Variants in ANXA8 observed in about 807,000 individuals in gnomAD.
ANXA8 encodes VAC-beta.
A neutral mutation model predicts 26.8 loss-of-function variants in ANXA8; 9 were observed. The observed-to-expected ratio is 0.34, with a 90% CI of 0.20 to 0.59. The LOEUF is 0.59. ANXA8 is among the 20% of genes least tolerant of loss of function. The pLI, the probability that ANXA8 is intolerant of heterozygous loss-of-function variation, is 0.84. For synonymous variants in ANXA8, 39 were observed against 94.8 expected (o/e 0.41, Z 3.42); for missense variants, 83 against 238.5 (o/e 0.35, Z 4.29).
At chr10:47,694,487 C>T in the ANXA8 span, among the ~76,000 whole-genome samples, 5 of 138,440 alleles carry the variant, frequency 3.6e-5, no homozygotes, top group African/African-American at 1.1e-4. Context: ...GTGGCGTGAT[C>T]TCTGCTCACT....
chr10:47,675,431 G>T, the ANXA8 span, among the ~76,000 whole-genome samples: 2 of 151,784 alleles, frequency 1.3e-5, no homozygotes, highest in South Asian at 2.1e-4. Context: ...TGGTGGCTTG[G>T]CTATGAAACA....
chr10:47,733,191 T>TTCTTTCTCTCTCTCTCTCTCTC, the ANXA8 span, among the ~76,000 whole-genome samples: 4 of 106,476 alleles, frequency 3.8e-5, no homozygotes, highest in Non-Finnish European at 6.3e-5. Flanking sequence ...CTTTCTTTCT[T>TTCTTTCTCTCTCTCTCTCTCTC]TCTTTCTTTC....
the ANXA8 span, among the ~76,000 whole-genome samples, chr10:47,528,594 A>T: frequency 2.0e-5 from 3 of 151,788 alleles, no homozygotes; most frequent in African/African-American, 7.3e-5. Flanking sequence ...GATGGGTTTA[A>T]TTTTTCCCAC....
intron 3 of ANXA8, 117 bp from the exon 4 acceptor site, chr10:47,477,311 C>G: frequency 3.9e-6 from 6 of 1,535,354 alleles, no homozygotes; most frequent in Non-Finnish European, 5.4e-6. Flanking sequence ...GGCCTTGCCA[C>G]GTGCTGGCTG....
chr10:47,483,902 C>A lies in ANXA8; in HGVS notation c.21+11G>T, dbSNP rs1456877559. ...TGCAGGAACCCAAATCTCCTGCCAGCTCCCACTTACCCAGGATTTCCACCA... is the reference window on the plus strand; with the variant it reads ...TGCAGGAACCCAAATCTCCTGCCAGATCCCACTTACCCAGGATTTCCACCA... On this transcript the variant is annotated intron_variant, in intron 1 of 11. Coordinates refer to ENST00000585281, the MANE Select transcript of ANXA8 (RefSeq NM_001040084.3). The A allele has an allele frequency of 4.3e-6, 7 of 1,611,652 alleles. No homozygotes were observed. In the East Asian group the frequency reaches 6.7e-5, roughly 15 times the overall value.
the ANXA8 span, among the ~76,000 whole-genome samples, chr10:47,671,742 G>C: frequency 3.3e-5 from 5 of 151,874 alleles, 1 homozygote; most frequent in African/African-American, 1.2e-4. Flanking sequence ...ATTAAGATCT[G>C]ATTCCAAAGT....
the ANXA8 span, among the ~76,000 whole-genome samples, chr10:47,521,102 TTTTCA>T: frequency 8.3e-6 from 1 of 119,814 alleles, no homozygotes; most frequent in Non-Finnish European, 1.7e-5. Context: ...TATCTCTAAG[TTTTCA>T]TTTCTTCATT....
the ANXA8 span, among the ~76,000 whole-genome samples, chr10:47,643,426 G>T: frequency 6.9e-6 from 1 of 145,320 alleles, no homozygotes; most frequent in Non-Finnish European, 1.5e-5. Context: ...CTACTCGGGA[G>T]GCTGAGGCAG....
the ANXA8 span, among the ~76,000 whole-genome samples, chr10:47,548,183 A>G: frequency 6.9e-6 from 1 of 145,072 alleles, no homozygotes; most frequent in African/African-American, 2.5e-5. Flanking sequence ...TTTATATTTT[A>G]GGAGTCTTCC....
chr10:47,698,634 G>T, the ANXA8 span, among the ~76,000 whole-genome samples: 3 of 152,162 alleles, frequency 2.0e-5, no homozygotes, highest in African/African-American at 7.2e-5. Flanking sequence ...GGGCCCAGGA[G>T]CTCGACACCA....
At chr10:47,748,509 G>A in the ANXA8 span, among the ~76,000 whole-genome samples, 4 of 152,060 alleles carry the variant, frequency 2.6e-5, no homozygotes, top group African/African-American at 4.8e-5. Flanking sequence ...CACCGCACCC[G>A]ACCCAGGCAC....
the ANXA8 span, chr10:47,502,147 G>T: frequency 6.4e-7 from 1 of 1,569,676 alleles, no homozygotes. Flanking sequence ...CCTGCCGGGC[G>T]TAGGTCAGCG....
chr10:47,589,801 G>A, the ANXA8 span, among the ~76,000 whole-genome samples: 1 of 145,124 alleles, frequency 6.9e-6, no homozygotes, highest in South Asian at 2.1e-4. Flanking sequence ...TCAGATTGCA[G>A]GATCCTGAGG....
the ANXA8 span, among the ~76,000 whole-genome samples, chr10:47,596,179 T>C: frequency 4.3e-5 from 5 of 117,636 alleles, no homozygotes; most frequent in South Asian, 1.5e-3. Flanking sequence ...ATGACTTTTG[T>C]TTGGGTAAAC....
chr10:47,498,242 G>A, the ANXA8 span, among the ~76,000 whole-genome samples: 2 of 149,856 alleles, frequency 1.3e-5, no homozygotes, highest in African/African-American at 4.8e-5. Flanking sequence ...CATAAGTGAA[G>A]GAACACCGTA....
the ANXA8 span, among the ~76,000 whole-genome samples, chr10:47,636,825 G>T: frequency 6.6e-6 from 1 of 151,502 alleles, no homozygotes; most frequent in Non-Finnish European, 1.5e-5. Flanking sequence ...TTTCCAGTTT[G>T]GTTATTCACA....
chr10:47,667,491 T>C, the ANXA8 span, among the ~76,000 whole-genome samples: 1 of 152,014 alleles, frequency 6.6e-6, no homozygotes, highest in African/African-American at 2.4e-5. Context: ...GCACTCAGTG[T>C]TTTTTTGTTG....
the ANXA8 span, among the ~76,000 whole-genome samples, chr10:47,648,298 T>C: frequency 6.6e-6 from 1 of 151,596 alleles, no homozygotes; most frequent in African/African-American, 2.4e-5. Flanking sequence ...CTGATCCCCA[T>C]CACGGCATCA....
At chr10:47,751,116 A>G in the ANXA8 span, 2 of 151,622 alleles carry the variant, frequency 1.3e-5, no homozygotes, top group African/African-American at 4.9e-5. Flanking sequence ...AATATTGACA[A>G]CTCTCCACAT....
Sources: allele counts gnomAD v4.1 joint callset (sites outside exome capture counted in the v4.1 genomes callset), GRCh38; gene constraint gnomAD v4.1.1; transcripts MANE v1.5; gene names NCBI Gene and HGNC (gene_info 2026-07-23, HGNC 2026-07-21).